The following CALN1 variants were observed in gnomAD, a reference collection of about 807,000 sequenced individuals.
CALN1 encodes the protein calcium-binding protein 8.
Under a neutral mutation model 30.6 loss-of-function variants are expected in CALN1, and 17 were observed. The ratio of observed to expected loss-of-function variants is 0.56; its 90% CI spans 0.38 to 0.83. CALN1 has a LOEUF of 0.83. Among genes scored for constraint, CALN1 ranks in the 40% least tolerant of loss-of-function variants. The pLI, the probability that CALN1 is intolerant of heterozygous loss-of-function variation, is 0.00. For missense variants in CALN1, 291 were observed against 354.9 expected (o/e 0.82, Z 1.45); for synonymous variants, 156 against 131.4 (o/e 1.19, Z -1.28).
chr7:71,878,401 CAAA>C (rs113054224), intron 5 of CALN1, among the ~76,000 whole-genome samples: 4 of 126,328 alleles, frequency 3.2e-5, no homozygotes, highest in Non-Finnish European at 5.2e-5. Flanking sequence ...GACCCTGTCT[CAAA>C]AAAAAAAAAA....
At chr7:71,896,477 C>G (rs1258609982) in intron 5 of CALN1, among the ~76,000 whole-genome samples, 16 of 152,174 alleles carry the variant, frequency 1.1e-4, no homozygotes, top group Admixed American at 7.9e-4. Context: ...TGCAACAGTT[C>G]CCAGTTTCTC....
rs1585199973 is a variant in CALN1 at position 72,221,478 on chromosome 7, TG to T, written c.244+57207del. ...GATTACAGGCACCCGCCATCGTGCC[TG>T]GCTAATTTTTTTGTGTTAGGTCACA... On this transcript the variant is annotated intron_variant, in intron 3 of 6. Coordinates refer to ENST00000395275, the MANE Select transcript of CALN1 (RefSeq NM_031468.4). Among the ~76,000 whole-genome samples the T allele has an allele frequency of 2.0e-5, 3 of 152,112 alleles. No individual in the cohort carries two copies. The East Asian group carries it at 5.8e-4, about 30-fold the overall frequency.
chr7:71,796,038 G>T (rs970073387), intron 6 of CALN1, among the ~76,000 whole-genome samples: 1 of 151,512 alleles, frequency 6.6e-6, no homozygotes, highest in South Asian at 2.1e-4. Context: ...TGTTAGCCAG[G>T]GTGGTCTCAA....
intron 4 of CALN1, 109 bp from the exon 5 acceptor site, chr7:72,023,878 TGAA>T (rs1800879495): frequency 3.0e-6 from 2 of 668,252 alleles, no homozygotes; most frequent in Admixed American, 5.3e-5. Context: ...CCTCAATCAA[TGAA>T]GAAGAGCTGG....
chr7:71,877,624 C>T (rs1466219601), intron 5 of CALN1, among the ~76,000 whole-genome samples: 1 of 149,646 alleles, frequency 6.7e-6, no homozygotes, highest in East Asian at 2.1e-4. Flanking sequence ...GCGAGAAAGT[C>T]AGAAGACCTT....
intron 1 of CALN1, among the ~76,000 whole-genome samples, chr7:72,408,028 T>C (rs1585684664): frequency 6.6e-6 from 1 of 152,176 alleles, no homozygotes; most frequent in East Asian, 1.9e-4. Flanking sequence ...ATGCACTGTA[T>C]GGCATTTAGG....
chr7:72,497,138 A>C, the CALN1 span, among the ~76,000 whole-genome samples: 1 of 152,156 alleles, frequency 6.6e-6, no homozygotes, highest in Non-Finnish European at 1.5e-5. Flanking sequence ...GCTCAGTGCT[A>C]TTAATAGAAT....
At chr7:71,960,751 T>C (rs1797208910) in intron 5 of CALN1, among the ~76,000 whole-genome samples, 1 of 152,208 alleles carries the variant, frequency 6.6e-6, no homozygotes, top group African/African-American at 2.4e-5. Flanking sequence ...TTCCACTCTC[T>C]ACCTCCATGC....
chr7:72,219,710 G>A (rs1004461411), intron 3 of CALN1, among the ~76,000 whole-genome samples: 61 of 151,106 alleles, frequency 4.0e-4, no homozygotes, highest in African/African-American at 1.2e-3. Flanking sequence ...GCACACACAC[G>A]CACGTGCACA....
chr7:72,215,826 C>G (rs906586941), intron 3 of CALN1, among the ~76,000 whole-genome samples: 4 of 152,120 alleles, frequency 2.6e-5, no homozygotes. Context: ...CACGTCCTCC[C>G]CAGGCAGCCC....
At chr7:71,985,916 G>A (rs1178873648) in intron 5 of CALN1, among the ~76,000 whole-genome samples, 2 of 152,028 alleles carry the variant, frequency 1.3e-5, no homozygotes, top group Non-Finnish European at 2.9e-5. Flanking sequence ...ATAGCAACAT[G>A]ACTTGTAATA....
intron 4 of CALN1, among the ~76,000 whole-genome samples, chr7:72,090,662 A>G (rs1455739008): frequency 6.6e-6 from 1 of 152,242 alleles, no homozygotes; most frequent in African/African-American, 2.4e-5. Flanking sequence ...AATAGCTAAG[A>G]TATGAAATCT....
intron 4 of CALN1, among the ~76,000 whole-genome samples, chr7:72,059,461 TG>T (rs1803496676): frequency 9.6e-6 from 1 of 104,586 alleles, no homozygotes; most frequent in Non-Finnish European, 2.2e-5. Context: ...AAAAGTTTTC[TG>T]AAAAAAAAAG....
At chr7:71,914,514 G>A (rs557727650) in intron 5 of CALN1, among the ~76,000 whole-genome samples, 5 of 152,028 alleles carry the variant, frequency 3.3e-5, no homozygotes, top group Admixed American at 6.6e-5. Flanking sequence ...GAACATATTC[G>A]TGCATGTGTC....
At chr7:72,465,827 C>T in the CALN1 span, among the ~76,000 whole-genome samples, 1 of 152,158 alleles carries the variant, frequency 6.6e-6, no homozygotes, top group Non-Finnish European at 1.5e-5. Context: ...ACTCAGAGCG[C>T]GGAATCCCCA....
rs188778727 is a variant in CALN1 at position 71,874,089 on chromosome 7, A to G, written c.502-63597T>C. Among the ~76,000 whole-genome samples, 270 of 152,178 alleles carry G rather than the reference A, an allele frequency of 1.8e-3. 1 individual carries two copies. The highest frequency in any genetic ancestry group is 6.2e-3 in the African/African-American group (259 of 41,526). Reference sequence around the variant, plus strand: ...CGGGAGTTTGAGAACAGCCCAGCCAACATGGTGACATCCCATCTCTACTAA... The same window carrying G: ...CGGGAGTTTGAGAACAGCCCAGCCAGCATGGTGACATCCCATCTCTACTAA... On this transcript the variant is annotated intron_variant, in intron 5 of 6. Transcript: ENST00000395275.
the CALN1 span, among the ~76,000 whole-genome samples, chr7:72,469,006 T>G: frequency 0.14 from 20,906 of 152,222 alleles, 3,056 homozygotes; most frequent in African/African-American, 0.37. Context: ...TTTGTGGGTT[T>G]CCTTTTCACT....
chr7:72,209,148 TC>T (rs1225293584), intron 3 of CALN1, among the ~76,000 whole-genome samples: 7 of 128,918 alleles, frequency 5.4e-5, no homozygotes, highest in South Asian at 2.8e-4. Context: ...TTTCATTCCT[TC>T]CCCCCTTCTC....
intron 5 of CALN1, among the ~76,000 whole-genome samples, chr7:71,841,321 C>T (rs925534458): frequency 2.4e-4 from 37 of 152,206 alleles, no homozygotes; most frequent in Admixed American, 2.4e-3. Flanking sequence ...TTCTTCTTCT[C>T]TGTTCATGTG....
Sources: allele counts gnomAD v4.1 joint callset (sites outside exome capture counted in the v4.1 genomes callset), GRCh38; gene constraint gnomAD v4.1.1; transcripts MANE v1.5; gene names NCBI Gene and HGNC (gene_info 2026-07-23, HGNC 2026-07-21).